The following SMARCC1 variants were observed in gnomAD, a reference collection of about 807,000 sequenced individuals.
The protein encoded by SMARCC1 is SWI/SNF related BAF chromatin remodeling complex subunit C1.
A neutral mutation model predicts 147.4 loss-of-function variants in SMARCC1; 43 were observed. The ratio of observed to expected loss-of-function variants is 0.29; its 90% CI spans 0.23 to 0.38. The LOEUF is 0.38. Among genes scored for constraint, SMARCC1 ranks in the 10% least tolerant of loss-of-function variants. The probability of loss-of-function intolerance (pLI) is 1.00; values close to 1 mark genes in which losing one functional copy is unlikely to be tolerated. For missense variants in SMARCC1, 1,119 were observed against 1,381.1 expected (o/e 0.81, Z 3.01); for synonymous variants, 495 against 484.4 (o/e 1.02, Z -0.29).
At chr3:47,689,493 A>C (rs537762115) in intron 12 of SMARCC1, 69 bp from the exon 13 acceptor site, 276 of 1,319,610 alleles carry the variant, frequency 2.1e-4, no homozygotes, top group Non-Finnish European at 2.8e-4. Context: ...TGGAAAATTA[A>C]TGGTCTAAGA....
chr3:47,726,518 T>C (rs1308752487), intron 6 of SMARCC1, among the ~76,000 whole-genome samples: 1 of 152,220 alleles, frequency 6.6e-6, no homozygotes, highest in Non-Finnish European at 1.5e-5. Context: ...TTAACCATTT[T>C]ATAAGTAAGC....
chr3:47,743,506 G>C (rs1032789280), intron 3 of SMARCC1, among the ~76,000 whole-genome samples: 1 of 151,720 alleles, frequency 6.6e-6, no homozygotes, highest in Non-Finnish European at 1.5e-5. Context: ...TACTGCAAGT[G>C]ATTTCAGATA....
intron 21 of SMARCC1, among the ~76,000 whole-genome samples, chr3:47,639,202 T>C (rs561089351): frequency 6.4e-4 from 97 of 152,122 alleles, no homozygotes; most frequent in South Asian, 2.5e-3. Flanking sequence ...ATTTAACAGA[T>C]GCCTGACAAG....
At chr3:47,622,452 A>G (rs978880192) in intron 24 of SMARCC1, 111 bp from the exon 25 acceptor site, 106 of 992,172 alleles carry the variant, frequency 1.1e-4, no homozygotes, top group Admixed American at 4.2e-4. Flanking sequence ...ATGGTACCCT[A>G]TATGTCTCCT....
At chr3:47,707,590 TAGGCTGGTC>T (rs2034009535) in intron 9 of SMARCC1, among the ~76,000 whole-genome samples, 1 of 151,954 alleles carries the variant, frequency 6.6e-6, no homozygotes, top group Non-Finnish European at 1.5e-5. Flanking sequence ...AAACATCAAT[TAGGCTGGTC>T]ACGGTGGCTC....
chr3:47,724,494 G>A (rs945118821), intron 6 of SMARCC1, among the ~76,000 whole-genome samples: 1 of 152,176 alleles, frequency 6.6e-6, no homozygotes, highest in African/African-American at 2.4e-5. Context: ...CAAGACCCAT[G>A]AGCTACGTGC....
At chr3:47,705,808 C>G (rs775922257) in intron 10 of SMARCC1, among the ~76,000 whole-genome samples, 1 of 152,034 alleles carries the variant, frequency 6.6e-6, no homozygotes, top group Admixed American at 6.6e-5. Flanking sequence ...TTAATATATA[C>G]CAATTAATTA....
intron 2 of SMARCC1, among the ~76,000 whole-genome samples, chr3:47,749,800 CAAAT>C (rs1037619801): frequency 6.8e-6 from 1 of 147,572 alleles, no homozygotes; most frequent in Non-Finnish European, 1.5e-5. Flanking sequence ...AGGGGGCAGG[CAAAT>C]AAAAAAGGTG....
chr3:47,727,464 A>G (rs1046310478), intron 6 of SMARCC1, among the ~76,000 whole-genome samples: 5 of 151,978 alleles, frequency 3.3e-5, no homozygotes, highest in African/African-American at 1.2e-4. Flanking sequence ...CCGAGATCAC[A>G]TGACTACACT....
intron 21 of SMARCC1, among the ~76,000 whole-genome samples, chr3:47,657,570 G>C (rs909621805): frequency 6.6e-6 from 1 of 152,180 alleles, no homozygotes; most frequent in Non-Finnish European, 1.5e-5. Context: ...GGCCAAGGCA[G>C]GTGGATCACC....
intron 8 of SMARCC1, among the ~76,000 whole-genome samples, chr3:47,712,613 T>C (rs1418135516): frequency 6.6e-6 from 1 of 151,460 alleles, no homozygotes; most frequent in Admixed American, 6.6e-5. Context: ...GCGGGTATTA[T>C]ACTCTCTGGC....
chr3:47,665,926 C>A (rs144147939), intron 19 of SMARCC1, among the ~76,000 whole-genome samples: 1 of 151,840 alleles, frequency 6.6e-6, no homozygotes, highest in East Asian at 1.9e-4. Flanking sequence ...CTCAAGCAAT[C>A]CTTCCATCTC....
At position 47,673,392 on chromosome 3, in the gene SMARCC1, A is replaced by T. The variant is rs1306115621; in HGVS notation, c.1839+2083T>A. Among the ~76,000 whole-genome samples the T allele has an allele frequency of 3.3e-3, 88 of 26,464 alleles. 1 individual carries two copies. In the Admixed American group the frequency reaches 0.047, roughly 14 times the overall value. The allele number at this position is 26,464 out of a possible 152,430, so 17.4% of individuals were successfully genotyped here. On this transcript the variant is annotated intron_variant, in intron 18 of 27. Coordinates refer to ENST00000254480, the MANE Select transcript of SMARCC1 (RefSeq NM_003074.4). ...CAGAGCGAGACTCTGTCTCAAAAAA[A>T]AAAGGGTGGGGGGGGGGCAGGCCAG... is the stretch of plus-strand genomic sequence containing the variant.
At chr3:47,695,575 T>G in intron 11 of SMARCC1, among the ~76,000 whole-genome samples, 1 of 151,856 alleles carries the variant, frequency 6.6e-6, no homozygotes, top group Non-Finnish European at 1.5e-5. Context: ...AAGACCAGCC[T>G]GGCCAACGTG....
intron 26 of SMARCC1, chr3:47,603,960 A>T (rs1329451465): frequency 6.6e-6 from 3 of 452,568 alleles, no homozygotes; most frequent in African/African-American, 6.0e-5. Flanking sequence ...ACCAAATAAT[A>T]AGAGCCAAGG....
At chr3:47,652,766 G>A (rs1576399710) in intron 21 of SMARCC1, among the ~76,000 whole-genome samples, 1 of 152,002 alleles carries the variant, frequency 6.6e-6, no homozygotes. Flanking sequence ...TCCAGTCAAT[G>A]AAAAACAAAA....
At chr3:47,646,961 C>A (rs1256089246) in intron 21 of SMARCC1, among the ~76,000 whole-genome samples, 1 of 152,126 alleles carries the variant, frequency 6.6e-6, no homozygotes, top group African/African-American at 2.4e-5. Flanking sequence ...CCCTAATGGA[C>A]CCAAGCAAAA....
intron 9 of SMARCC1, among the ~76,000 whole-genome samples, chr3:47,708,095 T>TTTC (rs1559650597): frequency 5.4e-5 from 6 of 110,212 alleles, no homozygotes; most frequent in Admixed American, 9.6e-5. Flanking sequence ...TTTTTTTTTT[T>TTTC]TTTTTTTTTT....
chr3:47,761,429 G>C (rs937963583), intron 2 of SMARCC1, among the ~76,000 whole-genome samples: 1 of 152,138 alleles, frequency 6.6e-6, no homozygotes, highest in Non-Finnish European at 1.5e-5. Flanking sequence ...GAAATGTGAA[G>C]ATAGATTATA....
Sources: gnomAD v4.1 joint callset for allele counts (sites outside exome capture counted in the v4.1 genomes callset) on GRCh38, gnomAD v4.1.1 for gene constraint, MANE v1.5 for transcripts, NCBI Gene and HGNC (gene_info 2026-07-23, HGNC 2026-07-21) for gene names.